KCNAB2: variants seen among roughly 807,000 people sequenced by gnomAD.
The protein encoded by KCNAB2 is voltage-gated potassium channel subunit beta-2.
KCNAB2 carries 29 observed loss-of-function variants against 63.6 expected under a neutral mutation model. The ratio of observed to expected loss-of-function variants is 0.46; its 90% CI spans 0.34 to 0.62. KCNAB2 has a LOEUF of 0.62. Among genes scored for constraint, KCNAB2 ranks in the 20% least tolerant of loss-of-function variants. The pLI is 0.01. For missense variants in KCNAB2, 359 were observed against 563.9 expected, an observed-to-expected ratio of 0.64 and a Z score of 3.68; for synonymous variants, 222 against 224.2, an observed-to-expected ratio of 0.99 and a Z score of 0.09.
At chr1:6,009,695 G>A (rs1028038401) in intron 1 of KCNAB2, among the ~76,000 whole-genome samples, 21 of 152,150 alleles carry the variant, frequency 1.4e-4, no homozygotes, top group African/African-American at 4.6e-4. Context: ...CGCCTTCGAG[G>A]AGTTGGGGGA....
Position 6,073,726 on chromosome 1 carries a change from C to G in KCNAB2, c.263-7C>G. 1 of 1,614,182 alleles carries G rather than the reference C, an allele frequency of 6.2e-7. No individual in the cohort carries two copies. Among genetic ancestry groups the G allele is most frequent in the South Asian group, 1.1e-5 (1 of 91,086 alleles). On this transcript the variant is annotated splice_region_variant and splice_polypyrimidine_tract_variant and intron_variant, in intron 3 of 15. Coordinates refer to ENST00000378083, the MANE Select transcript of KCNAB2 (RefSeq NM_001199862.2). The surrounding 1 kb of genome is among the most constrained non-coding windows in gnomAD (Gnocchi z 5.7). ...TTCCTAACTTGAGCCCCTGTGTCTC[C>G]TTCCAGGAACATGGGTGACCTTCGG...
intron 1 of KCNAB2, among the ~76,000 whole-genome samples, chr1:6,038,901 G>C (rs1660268855): frequency 6.6e-6 from 1 of 152,238 alleles, no homozygotes; most frequent in South Asian, 2.1e-4. Flanking sequence ...CCATCCCTTT[G>C]CCTGTGGGTG....
At chr1:6,030,448 CGTGT>C (rs139805306), upstream of KCNAB2, among the ~76,000 whole-genome samples, 30 of 150,248 alleles carry the variant, frequency 2.0e-4, no homozygotes, top group Middle Eastern at 3.4e-3. Flanking sequence ...ACCCCTCCAA[CGTGT>C]GTGTGTGTGT....
intron 8 of KCNAB2, among the ~76,000 whole-genome samples, chr1:6,089,444 G>A (rs915804668): frequency 2.0e-5 from 3 of 152,248 alleles, no homozygotes; most frequent in Non-Finnish European, 2.9e-5. Flanking sequence ...CACACAGCCC[G>A]GGGCTCAGCA....
chr1:6,055,210 T>C (rs1570972590), intron 2 of KCNAB2, among the ~76,000 whole-genome samples: 1 of 152,066 alleles, frequency 6.6e-6, no homozygotes, highest in East Asian at 1.9e-4. Context: ...CTAACACAGG[T>C]GGAGAGAACA....
At chr1:6,040,363 G>A (rs1008392725) in intron 1 of KCNAB2, among the ~76,000 whole-genome samples, 21 of 152,170 alleles carry the variant, frequency 1.4e-4, no homozygotes, top group African/African-American at 2.6e-4. Context: ...TCTGTCTGTC[G>A]TCTGTCTGTC....
In KCNAB2 at chr1:6,086,021, C is replaced by T; in HGVS notation, c.425+773C>T. ...TATGGGCCCTTCCCAGGCCAAGGTC[C>T]TCACCCACCTTGGGACCAACTGGGC... On this transcript the variant is annotated intron_variant, in intron 6 of 15. Transcript: ENST00000378083. This position sits in a 1 kb window ranked among gnomAD's most constrained non-coding sequence, Gnocchi z 4.2. 1.0e-6 allele frequency: 1 copy of T among 985,488 alleles called. No individual in the cohort carries two copies. Among genetic ancestry groups the T allele is most frequent in the Non-Finnish European group, 1.2e-6 (1 of 829,966 alleles). The allele number at this position is 985,488 out of a possible 1,614,324, so 61.0% of individuals were successfully genotyped here.
chr1:6,017,406 C>CTGTGTGTGTGTGTG (rs56202547), intron 1 of KCNAB2, among the ~76,000 whole-genome samples: 35 of 147,300 alleles, frequency 2.4e-4, no homozygotes, highest in African/African-American at 7.8e-4. Flanking sequence ...CCATACCTGG[C>CTGTGTGTGTGTGTG]TGTGTGTGTG....
chr1:6,028,766 C>A lies in KCNAB2; in HGVS notation c.-52-11751C>A, dbSNP rs1161792604. On this transcript the variant is annotated intron_variant, in intron 1 of 16. Transcript: ENST00000341524. The surrounding 1 kb of genome is among the most constrained non-coding windows in gnomAD (Gnocchi z 4.0). ...GGATGGCCTCCAGGGACCCCGCCTCCTGGTGGCCACTGTCCCCATCGTATT... is the reference window on the plus strand; with the variant it reads ...GGATGGCCTCCAGGGACCCCGCCTCATGGTGGCCACTGTCCCCATCGTATT... Among the ~76,000 whole-genome samples the A allele has an allele frequency of 6.6e-6, 1 of 152,240 alleles. No homozygotes were observed. Among genetic ancestry groups the A allele is most frequent in the Non-Finnish European group, 1.5e-5 (1 of 68,032 alleles).
At position 6,003,828 on chromosome 1, in the gene KCNAB2, A is replaced by C. The variant is rs941277698; in HGVS notation, c.-53+11040A>C. On this transcript the variant is annotated intron_variant, in intron 1 of 16. Transcript: ENST00000341524. The surrounding 1 kb of genome is among the most constrained non-coding windows in gnomAD (Gnocchi z 4.1). ...TTGTCTGCTGGCTATGTGATTGCAG[A>C]GGCATGGCTGGCCCCAGCTTGCAGC... Among the ~76,000 whole-genome samples, 1 of 152,212 alleles carries C rather than the reference A, an allele frequency of 6.6e-6. No individual in the cohort carries two copies. Among genetic ancestry groups the C allele is most frequent in the Non-Finnish European group, 1.5e-5 (1 of 68,038 alleles).
At chr1:6,095,695 G>A (rs1037707154) in intron 13 of KCNAB2, 71 bp downstream of exon 13, 80 of 1,410,798 alleles carry the variant, frequency 5.7e-5, no homozygotes, top group Middle Eastern at 1.7e-4. Context: ...CCTTTGGGCC[G>A]ACTGCTTTGG....
At chr1:6,010,067 C>T (rs543774268) in intron 1 of KCNAB2, among the ~76,000 whole-genome samples, 68 of 152,060 alleles carry the variant, frequency 4.5e-4, no homozygotes, top group African/African-American at 1.5e-3. Flanking sequence ...GAAGGGGTTT[C>T]GGTTTCACCA....
chr1:6,052,242 C>A (rs541492397), intron 2 of KCNAB2, among the ~76,000 whole-genome samples: 37 of 152,186 alleles, frequency 2.4e-4, no homozygotes, highest in Admixed American at 2.3e-3. Flanking sequence ...GGCAACATGG[C>A]AAAACCCCAT....
At chr1:6,005,563 T>C (rs1657618806) in intron 1 of KCNAB2, among the ~76,000 whole-genome samples, 1 of 150,560 alleles carries the variant, frequency 6.6e-6, no homozygotes, top group Non-Finnish European at 1.5e-5. Context: ...CCCCCATGAG[T>C]AGGAGTGGGA....
chr1:6,009,262 G>A (rs565331040), intron 1 of KCNAB2, among the ~76,000 whole-genome samples: 4 of 152,342 alleles, frequency 2.6e-5, no homozygotes, highest in Admixed American at 2.0e-4. Flanking sequence ...CAGGAGGCCC[G>A]CCTGGTATGC....
At chr1:6,080,857 C>T (rs979151933) in intron 4 of KCNAB2, among the ~76,000 whole-genome samples, 1 of 152,202 alleles carries the variant, frequency 6.6e-6, no homozygotes, top group Non-Finnish European at 1.5e-5. Flanking sequence ...GAGACGCAGC[C>T]CTGTGAAGCC....
intron 10 of KCNAB2, among the ~76,000 whole-genome samples, chr1:6,092,798 CAG>C (rs1665299884): frequency 6.6e-6 from 1 of 152,214 alleles, no homozygotes; most frequent in African/African-American, 2.4e-5. Flanking sequence ...CAGGAGGGGA[CAG>C]AGAGGATTCC....
At chr1:6,093,766 T>TC (rs1665388178) in intron 10 of KCNAB2, among the ~76,000 whole-genome samples, 2 of 152,132 alleles carry the variant, frequency 1.3e-5, no homozygotes, top group African/African-American at 4.8e-5. Flanking sequence ...TGGGCCATGG[T>TC]CTTACAAGGC....
At chr1:6,015,677 A>G (rs1227114590) in intron 1 of KCNAB2, among the ~76,000 whole-genome samples, 3 of 152,008 alleles carry the variant, frequency 2.0e-5, no homozygotes, top group Non-Finnish European at 4.4e-5. Context: ...GGAGCTTTAG[A>G]GATTTTTGGT....
Sources: gnomAD v4.1 joint callset for allele counts (sites outside exome capture counted in the v4.1 genomes callset) on GRCh38, gnomAD v4.1.1 for gene constraint, Gnocchi (gnomAD v3.1) non-coding constraint, MANE v1.5 for transcripts, NCBI Gene and HGNC (gene_info 2026-07-23, HGNC 2026-07-21) for gene names.